The following LAMA2 variants were observed in gnomAD, a reference collection of about 807,000 sequenced individuals.
The protein encoded by LAMA2 is laminin subunit alpha-2.
Under a neutral mutation model 364.8 loss-of-function variants are expected in LAMA2, and 269 were observed. The observed-to-expected ratio is 0.74, with a 90% CI of 0.67 to 0.82. The LOEUF is 0.82. Ranked by LOEUF, LAMA2 falls within the 40% of genes least tolerant of loss-of-function variation. The probability of loss-of-function intolerance (pLI) is 0.00; values close to 1 mark genes in which losing one functional copy is unlikely to be tolerated. For synonymous variants in LAMA2, 1,379 were observed against 1,370.6 expected (o/e 1.01, Z -0.14); for missense variants, 3,807 against 3,873.2 (o/e 0.98, Z 0.45).
intron 56 of LAMA2, among the ~76,000 whole-genome samples, chr6:129,487,836 A>C (rs1276571179): frequency 1.3e-5 from 2 of 152,080 alleles, no homozygotes; most frequent in Admixed American, 6.6e-5. Context: ...CAAACTGAGA[A>C]CTTTTACTAA....
At chr6:129,166,443 C>A (rs996689295) in intron 9 of LAMA2, among the ~76,000 whole-genome samples, 3 of 152,132 alleles carry the variant, frequency 2.0e-5, no homozygotes, top group African/African-American at 7.2e-5. Context: ...AAAAGACCAG[C>A]AATGTTTCTT....
rs1244441208 is a variant in LAMA2 at position 129,385,299 on chromosome 6, AAAG to A, written c.5071+2072_5071+2074del. Among the ~76,000 whole-genome samples, 94 of 132,644 alleles carry A rather than the reference AAAG, an allele frequency of 7.1e-4. 2 individuals are homozygous for A. The highest frequency in any genetic ancestry group is 3.0e-3 in the African/African-American group (91 of 30,216). The allele number at this position is 132,644 out of a possible 152,430, so 87.0% of individuals were successfully genotyped here. On this transcript the variant is annotated intron_variant, in intron 35 of 64. Coordinates refer to ENST00000421865, the MANE Select transcript of LAMA2 (RefSeq NM_000426.4). ...AAGGGAAAGGAGGGAGGGAGGAAGA[AAAG>A]AAGAAAAGGGAAGGAAGGAAGGAAG...
chr6:129,492,304 C>T lies in LAMA2; in HGVS notation c.8076-11C>T. 1 of 1,612,608 alleles carries T rather than the reference C, an allele frequency of 6.2e-7. No individual in the cohort carries two copies. The stretch of plus-strand genomic sequence containing the variant: ...GAAAATAAAAAAATCTTATTTATTA[C>T]ATTCTATTAGCCCCATGGACTTTGC... On this transcript the variant is annotated splice_polypyrimidine_tract_variant and intron_variant, in intron 57 of 64. Coordinates refer to ENST00000421865, the MANE Select transcript of LAMA2 (RefSeq NM_000426.4).
intron 1 of LAMA2, among the ~76,000 whole-genome samples, chr6:128,948,745 GGTT>G (rs2114562018): frequency 6.6e-6 from 1 of 152,164 alleles, no homozygotes; most frequent in Non-Finnish European, 1.5e-5. Context: ...CATGAGATCT[GGTT>G]GTTTAAAAGA....
Position 129,151,049 on chromosome 6 carries a change from G to T in LAMA2, c.1027+1953G>T, listed in dbSNP as rs187602571. Among the ~76,000 whole-genome samples, 985 of 152,224 alleles carry T rather than the reference G, an allele frequency of 6.5e-3. 9 individuals are homozygous for T. Among genetic ancestry groups the T allele is most frequent in the African/African-American group, 0.023 (945 of 41,542 alleles). ...CAACAGTTTCATATGATATATCTTG[G>T]ACATTCTGTGAAATAGTAAGTTGCT... On this transcript the variant is annotated intron_variant, in intron 7 of 64. Coordinates refer to ENST00000421865, the MANE Select transcript of LAMA2 (RefSeq NM_000426.4).
intron 56 of LAMA2, among the ~76,000 whole-genome samples, chr6:129,487,094 T>A (rs778433568): frequency 1.1e-4 from 17 of 152,176 alleles, no homozygotes; most frequent in Admixed American, 7.9e-4. Flanking sequence ...TTGAGCCTAT[T>A]AAGTGCATAT....
At chr6:129,100,224 T>A (rs1452433396) in intron 4 of LAMA2, among the ~76,000 whole-genome samples, 1 of 152,190 alleles carries the variant, frequency 6.6e-6, no homozygotes, top group Admixed American at 6.5e-5. Flanking sequence ...TGTTTATTAG[T>A]TAATTAGTTA....
intron 3 of LAMA2, among the ~76,000 whole-genome samples, chr6:129,062,337 G>A (rs551589443): frequency 2.0e-5 from 3 of 152,226 alleles, no homozygotes; most frequent in African/African-American, 7.2e-5. Context: ...TATGGGCAGG[G>A]CTGGGGCAAC....
intron 12 of LAMA2, among the ~76,000 whole-genome samples, chr6:129,203,276 A>G (rs1782415553): frequency 6.6e-6 from 1 of 152,200 alleles, no homozygotes; most frequent in Non-Finnish European, 1.5e-5. Context: ...TCTTACACTC[A>G]TGTTCTATGT....
chr6:129,098,170 T>G lies in LAMA2; in HGVS notation c.397-3T>G, dbSNP rs1775299323. ...TGTTATTGTTGTTGTTATACTTCCC[T>G]AGGTGTTCCAGATCGCGTATGTGAT... On this transcript the variant is annotated splice_polypyrimidine_tract_variant and splice_region_variant and intron_variant, in intron 3 of 64. Coordinates refer to ENST00000421865, the MANE Select transcript of LAMA2 (RefSeq NM_000426.4). 15 of 1,614,096 alleles carry G rather than the reference T, an allele frequency of 9.3e-6. No homozygotes were observed. The highest frequency in any genetic ancestry group is 2.7e-5 in the African/African-American group (2 of 75,044).
chr6:129,076,833 CT>C (rs1773695873), intron 3 of LAMA2, among the ~76,000 whole-genome samples: 2 of 151,826 alleles, frequency 1.3e-5, no homozygotes, highest in Non-Finnish European at 2.9e-5. Flanking sequence ...GTCAAATTTT[CT>C]GTAGGAAGGT....
At chr6:129,422,963 T>A (rs1330771930) in intron 40 of LAMA2, among the ~76,000 whole-genome samples, 1 of 152,084 alleles carries the variant, frequency 6.6e-6, no homozygotes, top group Non-Finnish European at 1.5e-5. Context: ...AAATCAAATC[T>A]AATGATTTAC....
intron 3 of LAMA2, among the ~76,000 whole-genome samples, chr6:129,066,292 G>A (rs1204359597): frequency 1.7e-4 from 25 of 151,382 alleles, no homozygotes; most frequent in Non-Finnish European, 2.9e-4. Context: ...TGATCCGCCC[G>A]CCTCGGCCTC....
intron 4 of LAMA2, among the ~76,000 whole-genome samples, chr6:129,124,787 C>G (rs916022612): frequency 6.6e-6 from 1 of 152,184 alleles, no homozygotes; most frequent in African/African-American, 2.4e-5. Flanking sequence ...TGTGCAACCA[C>G]CACCACAATC....
intron 1 of LAMA2, among the ~76,000 whole-genome samples, chr6:128,920,386 G>A (rs908441851): frequency 6.6e-6 from 1 of 151,820 alleles, no homozygotes; most frequent in African/African-American, 2.4e-5. Flanking sequence ...TCGATCTCTC[G>A]ACCTCGCAAT....
At chr6:129,449,607 A>T (rs997391087) in intron 45 of LAMA2, among the ~76,000 whole-genome samples, 1 of 152,184 alleles carries the variant, frequency 6.6e-6, no homozygotes, top group African/African-American at 2.4e-5. Flanking sequence ...ACTCTGTAGG[A>T]TTAATTGCCG....
intron 4 of LAMA2, among the ~76,000 whole-genome samples, chr6:129,121,075 G>A (rs1174980375): frequency 6.6e-6 from 1 of 152,180 alleles, no homozygotes; most frequent in East Asian, 1.9e-4. Flanking sequence ...GCAATAGTGG[G>A]TGGGGAGACA....
rs192452108 is a variant in LAMA2, at chr6:129,174,369, A to G, written c.1307-3337A>G. On this transcript the variant is annotated intron_variant, in intron 9 of 64. Transcript: ENST00000421865. ...TTTCAGCTCTTTAGACATATTAAAT[A>G]TATTTATTTTATTTTCGGAATCTGT... Among the ~76,000 whole-genome samples, 57 of 152,086 alleles carry G rather than the reference A, an allele frequency of 3.7e-4. 1 individual carries two copies. Among genetic ancestry groups the G allele is most frequent in the Admixed American group, 1.2e-3 (18 of 15,272 alleles).
intron 41 of LAMA2, chr6:129,437,075 G>T (rs921465922): frequency 6.6e-6 from 1 of 152,106 alleles, no homozygotes; most frequent in Non-Finnish European, 1.5e-5. Flanking sequence ...GGAAGAAAAG[G>T]TTGAGGGTGA....
Sources: gnomAD v4.1 joint callset for allele counts (sites outside exome capture counted in the v4.1 genomes callset) on GRCh38, gnomAD v4.1.1 for gene constraint, MANE v1.5 for transcripts, NCBI Gene and HGNC (gene_info 2026-07-23, HGNC 2026-07-21) for gene names.